The following PARD3B variants were observed in gnomAD, a reference collection of about 807,000 sequenced individuals.
The protein encoded by PARD3B is partitioning defective 3 homolog B.
PARD3B carries 103 observed loss-of-function variants against 130.2 expected under a neutral mutation model. The observed-to-expected ratio is 0.79, with a 90% CI of 0.67 to 0.93. PARD3B has a LOEUF of 0.93. Among genes scored for constraint, PARD3B ranks in the 40% least tolerant of loss-of-function variants. The pLI is 0.00. For synonymous variants in PARD3B, 583 were observed against 553.2 expected (o/e 1.05, Z -0.76); for missense variants, 1,609 against 1,499.2 (o/e 1.07, Z -1.21).
intron 21 of PARD3B, among the ~76,000 whole-genome samples, chr2:205,510,545 CCTCT>C (rs2050551067): frequency 1.3e-5 from 2 of 152,102 alleles, no homozygotes; most frequent in Non-Finnish European, 2.9e-5. Context: ...TATCTATTTC[CCTCT>C]CTCCCACACA....
intron 2 of PARD3B, among the ~76,000 whole-genome samples, chr2:204,807,631 C>T (rs576026556): frequency 6.6e-6 from 1 of 152,168 alleles, no homozygotes; most frequent in South Asian, 2.1e-4. Context: ...AAATGTAGTG[C>T]ATATACACAG....
At chr2:204,816,672 A>T (rs963469373) in intron 2 of PARD3B, among the ~76,000 whole-genome samples, 1 of 146,986 alleles carries the variant, frequency 6.8e-6, no homozygotes, top group Non-Finnish European at 1.5e-5. Flanking sequence ...TTTTAAGATT[A>T]TTTTTTTTTT....
rs544614740 is a variant in PARD3B, at chr2:204,937,967, G to C, written c.223-27185G>C. Among the ~76,000 whole-genome samples, 8 of 152,190 alleles carry C rather than the reference G, an allele frequency of 5.3e-5. No homozygotes were observed. In the South Asian group the frequency reaches 1.2e-3, roughly 24 times the overall value. ...TCAGGGTTATAGTCAAAATCGTAAA[G>C]AGCAGAGAACTTCTTGGAATAGAGA... On this transcript the variant is annotated intron_variant, in intron 2 of 22. Coordinates refer to ENST00000406610, the MANE Select transcript of PARD3B (RefSeq NM_001302769.2).
At chr2:205,139,280 A>T (rs1310846297) in intron 10 of PARD3B, among the ~76,000 whole-genome samples, 1 of 152,050 alleles carries the variant, frequency 6.6e-6, no homozygotes, top group African/African-American at 2.4e-5. Flanking sequence ...CCTTGCCTGT[A>T]CCCACACCCA....
intron 1 of PARD3B, among the ~76,000 whole-genome samples, chr2:204,607,257 C>T (rs539265827): frequency 1.2e-4 from 19 of 152,262 alleles, no homozygotes; most frequent in Non-Finnish European, 2.5e-4. Context: ...CGAATGATTA[C>T]ATTTACTTAA....
At chr2:205,289,800 G>A (rs2041535259) in intron 16 of PARD3B, among the ~76,000 whole-genome samples, 1 of 152,190 alleles carries the variant, frequency 6.6e-6, no homozygotes, top group African/African-American at 2.4e-5. Context: ...TATTATAAAA[G>A]CTAGTTTGGC....
rs766584582 is a variant in PARD3B, at chr2:205,414,562, T to A, written c.2741+13439T>A. On this transcript the variant is annotated intron_variant, in intron 19 of 22. Coordinates refer to ENST00000406610, the MANE Select transcript of PARD3B (RefSeq NM_001302769.2). ...AAAAATTACCTTGATTATAATAGTATGTACCAGTTTTTTAAAGTAAAGAAC... is the reference window on the plus strand; with the variant it reads ...AAAAATTACCTTGATTATAATAGTAAGTACCAGTTTTTTAAAGTAAAGAAC... Among the ~76,000 whole-genome samples, 6 of 152,256 alleles carry A rather than the reference T, an allele frequency of 3.9e-5. No individual in the cohort carries two copies. The East Asian group carries it at 5.8e-4, about 15-fold the overall frequency.
At chr2:204,873,961 G>C (rs1002526174) in intron 2 of PARD3B, among the ~76,000 whole-genome samples, 1 of 152,034 alleles carries the variant, frequency 6.6e-6, no homozygotes, top group Non-Finnish European at 1.5e-5. Flanking sequence ...TGGTTAATAT[G>C]GTGAAACCCC....
intron 1 of PARD3B, among the ~76,000 whole-genome samples, chr2:204,566,911 C>T (rs2031706360): frequency 6.6e-6 from 1 of 150,838 alleles, no homozygotes; most frequent in African/African-American, 2.4e-5. Context: ...CGGAGTCTCG[C>T]TCTGTTTCCC....
chr2:205,230,586 C>G lies in PARD3B; in HGVS notation c.2141-15192C>G, dbSNP rs966851892. On this transcript the variant is annotated intron_variant, in intron 15 of 22. Coordinates refer to ENST00000406610, the MANE Select transcript of PARD3B (RefSeq NM_001302769.2). This position sits in a 1 kb window ranked among gnomAD's most constrained non-coding sequence, Gnocchi z 4.1. ...GTCTCTCCTGGAGCCGTGAGCTGCACTGCCTGGGGTTGGGGGAGGAGTGGT... is the reference window on the plus strand; with the variant it reads ...GTCTCTCCTGGAGCCGTGAGCTGCAGTGCCTGGGGTTGGGGGAGGAGTGGT... Among the ~76,000 whole-genome samples the G allele has an allele frequency of 2.0e-5, 3 of 152,194 alleles. No individual in the cohort carries two copies. The highest frequency in any genetic ancestry group is 7.2e-5 in the African/African-American group (3 of 41,444).
At chr2:205,434,559 G>A (rs1486082399) in intron 19 of PARD3B, among the ~76,000 whole-genome samples, 1 of 152,262 alleles carries the variant, frequency 6.6e-6, no homozygotes, top group African/African-American at 2.4e-5. Flanking sequence ...TTTACTGGAT[G>A]TATGAGTTGA....
chr2:205,266,609 T>C (rs1343992427), intron 16 of PARD3B, among the ~76,000 whole-genome samples: 3 of 152,136 alleles, frequency 2.0e-5, no homozygotes, highest in Non-Finnish European at 4.4e-5. Flanking sequence ...GTGGTGTTTG[T>C]TGCTATTTTC....
At chr2:205,137,625 C>T (rs771882962) in intron 10 of PARD3B, among the ~76,000 whole-genome samples, 49 of 152,170 alleles carry the variant, frequency 3.2e-4, no homozygotes, top group Non-Finnish European at 5.7e-4. Context: ...GGTTGTGTGA[C>T]TTCTTCCCCT....
intron 4 of PARD3B, among the ~76,000 whole-genome samples, chr2:205,048,804 G>A (rs1048146865): frequency 6.6e-6 from 1 of 152,154 alleles, no homozygotes; most frequent in African/African-American, 2.4e-5. Context: ...AAGAAAGCAG[G>A]TGTCTTGAAA....
chr2:204,860,924 A>G (rs1208321096), intron 2 of PARD3B, among the ~76,000 whole-genome samples: 4 of 152,196 alleles, frequency 2.6e-5, no homozygotes, highest in African/African-American at 9.6e-5. Context: ...AATAATGTAC[A>G]GTGAAGTCAG....
intron 10 of PARD3B, among the ~76,000 whole-genome samples, chr2:205,134,604 A>G (rs1044455494): frequency 3.3e-5 from 5 of 152,150 alleles, no homozygotes; most frequent in Non-Finnish European, 7.4e-5. Flanking sequence ...CACTTGTGCA[A>G]TGTGCTCAGA....
At chr2:205,170,805 T>G (rs2035129864) in intron 11 of PARD3B, among the ~76,000 whole-genome samples, 1 of 152,148 alleles carries the variant, frequency 6.6e-6, no homozygotes, top group African/African-American at 2.4e-5. Context: ...TTACTTTTTT[T>G]TTCTTTTACA....
chr2:205,013,478 G>A (rs545945132), intron 3 of PARD3B, among the ~76,000 whole-genome samples: 1 of 152,180 alleles, frequency 6.6e-6, no homozygotes, highest in Admixed American at 6.5e-5. Flanking sequence ...GTCTGTCGGG[G>A]TTCCCAACCT....
chr2:204,872,649 T>G (rs1045867168), intron 2 of PARD3B, among the ~76,000 whole-genome samples: 1 of 152,220 alleles, frequency 6.6e-6, no homozygotes, highest in East Asian at 1.9e-4. Flanking sequence ...CTACCTACTT[T>G]GAGAATCTAA....
Sources: allele counts gnomAD v4.1 joint callset (sites outside exome capture counted in the v4.1 genomes callset), GRCh38; gene constraint gnomAD v4.1.1; non-coding constraint Gnocchi (gnomAD v3.1); transcripts MANE v1.5; gene names NCBI Gene and HGNC (gene_info 2026-07-23, HGNC 2026-07-21).